Variants in SIK2 observed in about 807,000 individuals in gnomAD.
SIK2 encodes serine/threonine-protein kinase SIK2.
A neutral mutation model predicts 103.2 loss-of-function variants in SIK2; 29 were observed. That is an observed-to-expected ratio of 0.28 (90% CI 0.21 to 0.38). The LOEUF (loss-of-function observed/expected upper bound fraction) is 0.38, where lower values mean the gene tolerates loss of function less well. Ranked by LOEUF, SIK2 falls within the 10% of genes least tolerant of loss-of-function variation. The probability of loss-of-function intolerance (pLI) is 1.00; values close to 1 mark genes in which losing one functional copy is unlikely to be tolerated. For missense variants in SIK2, 879 were observed against 1,171.0 expected (o/e 0.75, Z 3.64); for synonymous variants, 412 against 446.1 (o/e 0.92, Z 0.96).
intron 8 of SIK2, among the ~76,000 whole-genome samples, chr11:111,710,781 T>C (rs776566599): frequency 2.0e-5 from 3 of 152,186 alleles, no homozygotes; most frequent in Non-Finnish European, 4.4e-5. Flanking sequence ...GGTCACACAA[T>C]TTGTACGTGA....
chr11:111,653,988 A>G (rs139400120), intron 3 of SIK2, among the ~76,000 whole-genome samples: 58 of 152,384 alleles, frequency 3.8e-4, no homozygotes, highest in African/African-American at 1.2e-3. Flanking sequence ...TTCCAAAGTC[A>G]ATTTCAAGAT....
In SIK2 at chr11:111,712,248, C is replaced by T. The variant is rs188907267; in HGVS notation, c.1139C>T (p.Pro380Leu). 34 of 1,614,168 alleles carry T rather than the reference C, an allele frequency of 2.1e-5. No individual in the cohort carries two copies. The Middle Eastern group carries it at 5.0e-4, about 24-fold the overall frequency. The change falls in exon 9 of 15, where the codon CCG (proline) becomes CTG (leucine). Residue 380 changes from proline to leucine, a missense_variant. Pro to Leu is a moderately conservative substitution (Grantham distance 98). Transcript: ENST00000304987. ...TVGLPVTMHS[P>L]NMRLLRSALL... is the part of the protein sequence containing the mutation. ...GGGCTCCCAGTGACCATGCATTCAC[C>T]GAACATGAGGCTGCTGCGATCTGCC...
chr11:111,695,462 TCTC>T (rs1239562712), intron 4 of SIK2, among the ~76,000 whole-genome samples: 1 of 152,214 alleles, frequency 6.6e-6, no homozygotes, highest in Non-Finnish European at 1.5e-5. Context: ...TCTTATTTAA[TCTC>T]CTATTTAAAT....
At chr11:111,657,914 G>A (rs1375877038) in intron 3 of SIK2, among the ~76,000 whole-genome samples, 2 of 152,008 alleles carry the variant, frequency 1.3e-5, no homozygotes, top group Admixed American at 1.3e-4. Flanking sequence ...AATAAAATGG[G>A]CTGCAACTAT....
chr11:111,669,569 G>A (rs1366612996), intron 3 of SIK2, among the ~76,000 whole-genome samples: 4 of 62,686 alleles, frequency 6.4e-5, no homozygotes, highest in East Asian at 8.6e-4. Context: ...CCCCCCTCCC[G>A]CCCCGCCTCC....
At chr11:111,656,388 A>T (rs1436469877) in intron 3 of SIK2, among the ~76,000 whole-genome samples, 1 of 152,200 alleles carries the variant, frequency 6.6e-6, no homozygotes, top group Non-Finnish European at 1.5e-5. Context: ...AAGGTTCAAC[A>T]TTCTAAATGT....
intron 3 of SIK2, among the ~76,000 whole-genome samples, chr11:111,664,434 A>G (rs1942507926): frequency 6.6e-6 from 1 of 152,048 alleles, no homozygotes; most frequent in Admixed American, 6.6e-5. Flanking sequence ...TGGCCTACAT[A>G]GTGAAAGCCT....
intron 1 of SIK2, among the ~76,000 whole-genome samples, chr11:111,609,339 G>C (rs1591585273): frequency 6.6e-6 from 1 of 151,284 alleles, no homozygotes; most frequent in East Asian, 1.9e-4. Flanking sequence ...TTTTTGGGGG[G>C]GGGACAGGGT....
rs1461894021 is a variant in SIK2 at position 111,691,840 on chromosome 11, C to A, written c.478+3678C>A. Reference sequence around the variant, plus strand: ...ATACATTTCAAGACAAAAACAGCAGCAGTGACAAAAAGCTTAACTCTGCTC... The same window carrying A: ...ATACATTTCAAGACAAAAACAGCAGAAGTGACAAAAAGCTTAACTCTGCTC... On this transcript the variant is annotated intron_variant, in intron 4 of 14. Coordinates refer to ENST00000304987, the MANE Select transcript of SIK2 (RefSeq NM_015191.3). 2.6e-5 allele frequency among the ~76,000 whole-genome samples: 4 copies of A among 152,178 alleles called. No individual in the cohort carries two copies. In the East Asian group the frequency reaches 7.7e-4, roughly 29 times the overall value.
chr11:111,687,817 G>A (rs1043325109), intron 3 of SIK2, among the ~76,000 whole-genome samples, 184 bp from the exon 4 acceptor site: 4 of 151,966 alleles, frequency 2.6e-5, no homozygotes, highest in African/African-American at 9.7e-5. Context: ...GTGTTAGCCA[G>A]GATGGTCTCG....
At chr11:111,647,820 A>G (rs1460768074) in intron 3 of SIK2, among the ~76,000 whole-genome samples, 3 of 149,166 alleles carry the variant, frequency 2.0e-5, no homozygotes. Flanking sequence ...GTGAGCTGAG[A>G]TTGTGCCACT....
intron 3 of SIK2, among the ~76,000 whole-genome samples, chr11:111,654,784 G>A (rs1942369888): frequency 6.6e-6 from 1 of 152,118 alleles, no homozygotes; most frequent in Non-Finnish European, 1.5e-5. Context: ...ATGCCCATCT[G>A]TTGTGTCTTA....
At position 111,701,410 on chromosome 11, in the gene SIK2, ACG is replaced by A; in HGVS notation, c.604-41_604-40del. ...TGTTCAGGAAAACAAAGAGTGTTTGACGTTCTTGGTAGAAAAGTCTCTGCATT... is the reference window on the plus strand; with the variant it reads ...TGTTCAGGAAAACAAAGAGTGTTTGATTCTTGGTAGAAAAGTCTCTGCATT... On this transcript the variant is annotated intron_variant, in intron 5 of 14. Coordinates refer to ENST00000304987, the MANE Select transcript of SIK2 (RefSeq NM_015191.3). The surrounding 1 kb of genome is among the most constrained non-coding windows in gnomAD (Gnocchi z 4.2). 5 of 1,595,436 alleles carry A rather than the reference ACG, an allele frequency of 3.1e-6. No homozygotes were observed. Among genetic ancestry groups the A allele is most frequent in the Non-Finnish European group, 4.3e-6 (5 of 1,167,268 alleles).
At chr11:111,685,246 A>G (rs1185721734) in intron 3 of SIK2, among the ~76,000 whole-genome samples, 1 of 152,212 alleles carries the variant, frequency 6.6e-6, no homozygotes, top group African/African-American at 2.4e-5. Flanking sequence ...GGAGCATTCA[A>G]CTTAGATCCC....
chr11:111,620,551 A>T, intron 3 of SIK2, 149 bp downstream of exon 3: 1 of 573,342 alleles, frequency 1.7e-6, no homozygotes, highest in Non-Finnish European at 3.0e-6. Flanking sequence ...GTAACCTAAA[A>T]TATGAAATAT....
rs1225655095 is a variant in SIK2, at chr11:111,719,795, C to T, written c.1287C>T (p.Asp429=). Residue 429 remains aspartate, a synonymous_variant, in exon 10 of 15, where the codon GAC becomes GAT. Coordinates refer to ENST00000304987, the MANE Select transcript of SIK2 (RefSeq NM_015191.3). ...DTPKVNGCLL[D]PVPPVLVRKG... ...TTTAGGTCAATGGCTGTCTGCTTGA[C>T]CCTGTGCCTCCTGTCCTGGTGCGGA... The T allele has an allele frequency of 6.2e-7, 1 of 1,613,984 alleles. No homozygotes were observed. The highest frequency in any genetic ancestry group is 8.5e-7 in the Non-Finnish European group (1 of 1,179,962).
At chr11:111,636,889 T>C (rs1428783865) in intron 3 of SIK2, among the ~76,000 whole-genome samples, 1 of 152,210 alleles carries the variant, frequency 6.6e-6, no homozygotes, top group Non-Finnish European at 1.5e-5. Context: ...TGAGTTACTG[T>C]TTTCTGTCTG....
chr11:111,726,892 A>C lies in SIK2; in HGVS notation c.*2763A>C, dbSNP rs1452195561. 1.4e-6 allele frequency: 2 copies of C among 1,445,382 alleles called. No homozygotes were observed. Among genetic ancestry groups the C allele is most frequent in the Non-Finnish European group, 1.9e-6 (2 of 1,036,366 alleles). 89.5% of individuals were successfully genotyped at this position (1,445,382 alleles called of 1,614,324 possible). A position where few individuals can be genotyped will look rare whatever the true frequency, so the allele number is the denominator to read the frequency against. ...ACTTTGGTGAGATGAACGTGAGGTA[A>C]AAATTTCGTTCGGCAAAAAGTGCAA... On this transcript the variant is annotated 3_prime_UTR_variant, in exon 15 of 15. Coordinates refer to ENST00000304987, the MANE Select transcript of SIK2 (RefSeq NM_015191.3).
intron 3 of SIK2, among the ~76,000 whole-genome samples, chr11:111,633,901 A>C: frequency 6.6e-6 from 1 of 152,180 alleles, no homozygotes. Flanking sequence ...GGCCTTAACT[A>C]CATTTTTTCC....
Sources: allele counts gnomAD v4.1 joint callset (sites outside exome capture counted in the v4.1 genomes callset), GRCh38; gene constraint gnomAD v4.1.1; non-coding constraint Gnocchi (gnomAD v3.1); transcripts MANE v1.5; gene names NCBI Gene and HGNC (gene_info 2026-07-23, HGNC 2026-07-21).